Variants in PTGER3 observed in about 807,000 individuals in gnomAD.
PTGER3 encodes the protein prostaglandin E2 receptor EP3 subtype.
Under a neutral mutation model 34.7 loss-of-function variants are expected in PTGER3, and 22 were observed. The ratio of observed to expected loss-of-function variants is 0.63; its 90% CI spans 0.45 to 0.91. The LOEUF (loss-of-function observed/expected upper bound fraction) is 0.91, where lower values mean the gene tolerates loss of function less well. Ranked by LOEUF, PTGER3 falls within the 40% of genes least tolerant of loss-of-function variation. The pLI is 0.00. For synonymous variants in PTGER3, 241 were observed against 230.1 expected, an observed-to-expected ratio of 1.05 and a Z score of -0.43; for missense variants, 468 against 519.4, an observed-to-expected ratio of 0.90 and a Z score of 0.96.
downstream of PTGER3, among the ~76,000 whole-genome samples, chr1:70,950,522 A>C (rs1162366574): frequency 6.6e-6 from 1 of 152,196 alleles, no homozygotes; most frequent in Non-Finnish European, 1.5e-5. Flanking sequence ...GCGTATTGGC[A>C]ATCCACTACT....
chr1:70,862,794 T>C (rs1645955541), intron 4 of PTGER3, among the ~76,000 whole-genome samples: 1 of 151,940 alleles, frequency 6.6e-6, no homozygotes, highest in Admixed American at 6.6e-5. Context: ...TGAGGATGGA[T>C]CAGGAAGGGC....
At chr1:70,953,187 A>G in intron 3 of PTGER3, 1 of 767,964 alleles carries the variant, frequency 1.3e-6, no homozygotes, top group Non-Finnish European at 1.9e-6. Flanking sequence ...TGTATTAGGC[A>G]TTATAAATAA....
downstream of PTGER3, among the ~76,000 whole-genome samples, chr1:70,949,496 A>G (rs1406842483): frequency 6.6e-6 from 1 of 152,190 alleles, no homozygotes; most frequent in Admixed American, 6.5e-5. Context: ...TCAAAAGAGT[A>G]CAGTTCAAGG....
At chr1:71,007,137 G>A in intron 2 of PTGER3, 2 of 985,668 alleles carry the variant, frequency 2.0e-6, no homozygotes, top group Non-Finnish European at 1.2e-6. Flanking sequence ...GGATGCTGAG[G>A]AGGAGAGGTG....
intron 4 of PTGER3, among the ~76,000 whole-genome samples, chr1:70,879,889 T>TCC (rs1646352725): frequency 6.6e-6 from 1 of 152,048 alleles, no homozygotes; most frequent in African/African-American, 2.4e-5. Context: ...GGTCAAGAGA[T>TCC]TGAGACCATC....
chr1:70,872,339 C>A (rs537143588), intron 4 of PTGER3, among the ~76,000 whole-genome samples: 50 of 152,166 alleles, frequency 3.3e-4, no homozygotes, highest in Non-Finnish European at 6.5e-4. Context: ...TTGTGCATAA[C>A]TGATGGTGTT....
intron 2 of PTGER3, among the ~76,000 whole-genome samples, chr1:70,983,460 C>T (rs1654593996): frequency 6.6e-6 from 1 of 152,062 alleles, no homozygotes; most frequent in South Asian, 2.1e-4. Flanking sequence ...AGTATGAACT[C>T]ATTAAATATT....
chr1:70,989,886 T>TAC lies in PTGER3; in HGVS notation c.1078-15500_1078-15499dup, dbSNP rs141034488. ...AAACATATTACCAGTCAATGGAACC[T>TAC]ACACACACACACGCACACACACACA... On this transcript the variant is annotated intron_variant, in intron 2 of 3. Transcript: ENST00000306666. 2.0e-5 allele frequency among the ~76,000 whole-genome samples: 3 copies of TAC among 151,944 alleles called. No homozygotes were observed. In the East Asian group the frequency reaches 5.8e-4, roughly 29 times the overall value.
chr1:70,984,550 C>T (rs746842367), intron 2 of PTGER3, among the ~76,000 whole-genome samples: 13 of 151,848 alleles, frequency 8.6e-5, no homozygotes, highest in Non-Finnish European at 1.9e-4. Context: ...TCTGTCCCTA[C>T]CAAAAAAGAA....
chr1:70,963,665 C>T (rs1652195856), intron 2 of PTGER3, among the ~76,000 whole-genome samples: 1 of 152,146 alleles, frequency 6.6e-6, no homozygotes, highest in African/African-American at 2.4e-5. Context: ...CTGCACACAG[C>T]AGGGGGACCC....
intron 4 of PTGER3, among the ~76,000 whole-genome samples, chr1:70,924,856 G>A (rs1053008251): frequency 7.9e-5 from 12 of 152,122 alleles, no homozygotes; most frequent in Admixed American, 6.6e-4. Context: ...TGAGATCCAA[G>A]AACCCTCTCT....
At chr1:70,895,936 A>G (rs560455770) in intron 4 of PTGER3, among the ~76,000 whole-genome samples, 1 of 152,218 alleles carries the variant, frequency 6.6e-6, no homozygotes, top group Non-Finnish European at 1.5e-5. Flanking sequence ...GTCTCTGACA[A>G]CCTGGAGTAA....
chr1:71,007,329 T>C, intron 2 of PTGER3: 1 of 985,826 alleles, frequency 1.0e-6, no homozygotes, highest in Non-Finnish European at 1.2e-6. Context: ...TACAAAAACA[T>C]TTGATAAGGA....
Position 70,945,884 on chromosome 1 carries a change from C to T in PTGER3, c.*23+7879G>A, listed in dbSNP as rs536675437. Among the ~76,000 whole-genome samples the T allele has an allele frequency of 1.1e-4, 16 of 152,132 alleles. No homozygotes were observed. In the South Asian group the frequency reaches 2.9e-3, roughly 28 times the overall value. ...CTAGGGCTCATTTTTGTGATTTCCT[C>T]AGAAACCAGAGAATGCAAAATAGTA... On this transcript the variant is annotated intron_variant, in intron 4 of 4. Coordinates refer to the PTGER3 transcript ENST00000370931.
chr1:71,035,405 A>G (rs1157748390), intron 1 of PTGER3, among the ~76,000 whole-genome samples: 1 of 152,186 alleles, frequency 6.6e-6, no homozygotes, highest in Non-Finnish European at 1.5e-5. Flanking sequence ...CATCTGGTTC[A>G]ATATTTTCCG....
chr1:70,877,811 A>T (rs1250055836), intron 4 of PTGER3, among the ~76,000 whole-genome samples: 3 of 152,040 alleles, frequency 2.0e-5, no homozygotes, highest in Non-Finnish European at 4.4e-5. Context: ...ACTACATCAT[A>T]GTGGATTAGG....
intron 2 of PTGER3, among the ~76,000 whole-genome samples, chr1:71,001,910 T>C (rs1656528408): frequency 6.6e-6 from 1 of 152,144 alleles, no homozygotes; most frequent in African/African-American, 2.4e-5. Context: ...CTAATATTGT[T>C]CAATTAATGA....
At position 71,046,944 on chromosome 1, in the gene PTGER3, T is replaced by C; in HGVS notation, c.634A>G (p.Thr212Ala). ...CTAGTCCCGTTGCCCCCTCGCCCGG[T>C]GCTGATGAAGCACCACGTCCCGGGC... is the stretch of plus-strand genomic sequence containing the variant. ...QWPGTWCFIS[T>A]GRGGNGTSSS... Residue 212 changes from threonine to alanine, a missense_variant, in exon 1 of 4, where the codon ACC becomes GCC. Thr to Ala is a moderately conservative substitution (Grantham distance 58). This residue lies in a region of PTGER3 where 204 missense variants were observed against 230.8 expected (regional missense o/e 0.88). Transcript: ENST00000306666. 1 of 1,608,468 alleles carries C rather than the reference T, an allele frequency of 6.2e-7. No homozygotes were observed.
chr1:71,023,858 AC>A (rs1658646647), intron 1 of PTGER3, among the ~76,000 whole-genome samples: 1 of 151,136 alleles, frequency 6.6e-6, no homozygotes, highest in African/African-American at 2.5e-5. Context: ...TCTCTCATTT[AC>A]ACCCCCAATT....
Sources: gnomAD v4.1 joint callset for allele counts (sites outside exome capture counted in the v4.1 genomes callset) on GRCh38, gnomAD v4.1.1 for gene constraint, gnomAD v4.1.1 regional missense constraint, MANE v1.5 for transcripts, NCBI Gene and HGNC (gene_info 2026-07-23, HGNC 2026-07-21) for gene names.